Variants in PADI1 observed in about 807,000 individuals in gnomAD.
The protein encoded by PADI1 is protein-arginine deiminase type-1.
Under a neutral mutation model 74.8 loss-of-function variants are expected in PADI1, and 65 were observed. The observed-to-expected ratio is 0.87, with a 90% CI of 0.71 to 1.07. The LOEUF is 1.07. Among genes scored for constraint, PADI1 ranks in the 50% least tolerant of loss-of-function variants. PADI1 has a pLI of 0.00. For synonymous variants in PADI1, 371 were observed against 336.2 expected (o/e 1.10, Z -1.13); for missense variants, 943 against 854.0 (o/e 1.10, Z -1.30).
At chr1:17,240,596 C>T (rs779531919) in intron 14 of PADI1, 39 bp from the exon 15 acceptor site, 4 of 1,434,418 alleles carry the variant, frequency 2.8e-6, no homozygotes, top group Admixed American at 1.8e-5. Flanking sequence ...GTGTTATGCT[C>T]TTCCTAGTCC....
In PADI1 at chr1:17,230,696, A is replaced by G; in HGVS notation, c.1161+17A>G. ...AGGATCCTGGTACGTAGCGACAGGT[A>G]GAGTGCAGAAACCCTGGTTGGGTCC... On this transcript the variant is annotated intron_variant, in intron 10 of 15. Coordinates refer to ENST00000375471, the MANE Select transcript of PADI1 (RefSeq NM_013358.3). 2 of 1,472,226 alleles carry G rather than the reference A, an allele frequency of 1.4e-6. No individual in the cohort carries two copies. The allele number at this position is 1,472,226 out of a possible 1,614,324, so 91.2% of individuals were successfully genotyped here.
chr1:17,220,752 A>G (rs1198503921), intron 1 of PADI1, among the ~76,000 whole-genome samples: 1 of 152,236 alleles, frequency 6.6e-6, no homozygotes, highest in Non-Finnish European at 1.5e-5. Context: ...TGTGAGCGCC[A>G]CAGGCTCAAG....
At chr1:17,231,568 C>T (rs2100492503) in intron 10 of PADI1, among the ~76,000 whole-genome samples, 1 of 152,308 alleles carries the variant, frequency 6.6e-6, no homozygotes, top group South Asian at 2.1e-4. Context: ...TAGGTGAGTG[C>T]ACCCGCCAGG....
chr1:17,220,822 C>T (rs2072126977), intron 1 of PADI1, among the ~76,000 whole-genome samples: 1 of 152,230 alleles, frequency 6.6e-6, no homozygotes, highest in Admixed American at 6.5e-5. Flanking sequence ...ATAGTTCACG[C>T]TTATGCAGGG....
intron 11 of PADI1, 122 bp from the exon 12 acceptor site, chr1:17,237,192 C>G: frequency 8.7e-7 from 1 of 1,145,990 alleles, no homozygotes; most frequent in Non-Finnish European, 1.2e-6. Flanking sequence ...ACGCTCTACG[C>G]CCCACGTTTA....
chr1:17,215,387 A>T (rs543613520), intron 1 of PADI1, among the ~76,000 whole-genome samples: 1 of 130,094 alleles, frequency 7.7e-6, no homozygotes, highest in African/African-American at 3.8e-5. Flanking sequence ...TTTCATCATC[A>T]TCATCATCGT....
At chr1:17,239,416 T>C (rs2072725003) in intron 13 of PADI1, among the ~76,000 whole-genome samples, 2 of 152,196 alleles carry the variant, frequency 1.3e-5, no homozygotes, top group Non-Finnish European at 2.9e-5. Flanking sequence ...ATACATTAAG[T>C]AGGATGCCCA....
In PADI1 at chr1:17,229,070, A is replaced by G; in HGVS notation, c.929+19A>G. On this transcript the variant is annotated intron_variant, in intron 8 of 15. Transcript: ENST00000375471. ...TGTGCAGGTGAGGCTCCCTCCCTCC[A>G]GCCCTCCCCCAAGTCTGGAGTGCAG... 1 of 1,473,114 alleles carries G rather than the reference A, an allele frequency of 6.8e-7. No homozygotes were observed. Among genetic ancestry groups the G allele is most frequent in the Non-Finnish European group, 9.3e-7 (1 of 1,076,390 alleles). 91.3% of individuals were successfully genotyped at this position (1,473,114 alleles called of 1,614,324 possible).
intron 1 of PADI1, among the ~76,000 whole-genome samples, chr1:17,220,626 G>A (rs1454159347): frequency 1.3e-5 from 2 of 152,138 alleles, no homozygotes; most frequent in Admixed American, 1.3e-4. Flanking sequence ...CTTGACCTTG[G>A]GTGGTGTCCT....
rs1264442981 is a variant in PADI1, at chr1:17,244,483, C to T, written c.*240C>T. ...CCCTGGCCTCTTTCCCACCCACAGC[C>T]CCCAGAGGCTCTAGATCAACAATGT... On this transcript the variant is annotated 3_prime_UTR_variant, in exon 16 of 16. Transcript: ENST00000375471. 7 of 623,566 alleles carry T rather than the reference C, an allele frequency of 1.1e-5. No homozygotes were observed. The highest frequency in any genetic ancestry group is 2.1e-5 in the Non-Finnish European group (7 of 334,818). 38.6% of individuals were successfully genotyped at this position (623,566 alleles called of 1,614,324 possible).
intron 9 of PADI1, 40 bp from the exon 10 acceptor site, chr1:17,230,532 G>GA: frequency 6.9e-7 from 1 of 1,446,990 alleles, no homozygotes; most frequent in Non-Finnish European, 9.6e-7. Flanking sequence ...TAAACCACCC[G>GA]AAAAAGGTCA....
chr1:17,212,108 C>A (rs1022172040), intron 1 of PADI1, among the ~76,000 whole-genome samples: 2 of 152,204 alleles, frequency 1.3e-5, no homozygotes, highest in Admixed American at 6.5e-5. Context: ...GGGTGGCGGC[C>A]AGTACCCCGG....
rs1241995224 is a variant in PADI1, at chr1:17,244,480, A to G, written c.*237A>G. 2 of 624,074 alleles carry G rather than the reference A, an allele frequency of 3.2e-6. No individual in the cohort carries two copies. Among genetic ancestry groups the G allele is most frequent in the South Asian group, 3.0e-5 (2 of 66,060 alleles). The allele number at this position is 624,074 out of a possible 1,614,324, so 38.7% of individuals were successfully genotyped here. A position where few individuals can be genotyped will look rare whatever the true frequency, so the allele number is the denominator to read the frequency against. The stretch of plus-strand genomic sequence containing the variant: ...CTTCCCTGGCCTCTTTCCCACCCAC[A>G]GCCCCCAGAGGCTCTAGATCAACAA... On this transcript the variant is annotated 3_prime_UTR_variant, in exon 16 of 16. Transcript: ENST00000375471.
intron 6 of PADI1, among the ~76,000 whole-genome samples, chr1:17,227,030 T>TC: frequency 8.0e-6 from 1 of 125,618 alleles, no homozygotes; most frequent in Middle Eastern, 4.0e-3. Flanking sequence ...AGACTCTGTC[T>TC]AAAAAAAAAA....
In PADI1 at chr1:17,223,803, A is replaced by G. The variant is rs1041081546; in HGVS notation, c.346+110A>G. The G allele has an allele frequency of 1.5e-5, 13 of 876,690 alleles. 1 individual carries two copies. The highest frequency in any genetic ancestry group is 1.3e-4 in the African/African-American group (8 of 60,680). The allele number at this position is 876,690 out of a possible 1,614,324, so 54.3% of individuals were successfully genotyped here. A position where few individuals can be genotyped will look rare whatever the true frequency, so the allele number is the denominator to read the frequency against. Reference sequence around the variant, plus strand: ...GGAAGACCCATGGCCAGCTTCCTCCATCACTGAGGGGCTTGGATTCCTCGG... The same window carrying G: ...GGAAGACCCATGGCCAGCTTCCTCCGTCACTGAGGGGCTTGGATTCCTCGG... On this transcript the variant is annotated intron_variant, in intron 3 of 15. Coordinates refer to ENST00000375471, the MANE Select transcript of PADI1 (RefSeq NM_013358.3).
intron 10 of PADI1, among the ~76,000 whole-genome samples, chr1:17,232,403 T>C (rs1379845482): frequency 6.6e-6 from 1 of 152,162 alleles, no homozygotes; most frequent in Non-Finnish European, 1.5e-5. Flanking sequence ...CCACGCTCAG[T>C]TTAAATACAC....
At chr1:17,208,895 G>T (rs1352646536) in intron 1 of PADI1, among the ~76,000 whole-genome samples, 1 of 152,184 alleles carries the variant, frequency 6.6e-6, no homozygotes, top group Non-Finnish European at 1.5e-5. Flanking sequence ...TCTTTGGGAT[G>T]CAGAAGGCCG....
intron 13 of PADI1, among the ~76,000 whole-genome samples, 157 bp downstream of exon 13, chr1:17,238,866 T>C (rs1438187160): frequency 6.6e-6 from 1 of 151,986 alleles, no homozygotes; most frequent in Admixed American, 6.6e-5. Context: ...GGTGGGGGAG[T>C]TCCTGGGCCA....
At chr1:17,212,500 G>A (rs1208246231) in intron 1 of PADI1, among the ~76,000 whole-genome samples, 1 of 150,932 alleles carries the variant, frequency 6.6e-6, no homozygotes, top group East Asian at 2.0e-4. Context: ...TAGGACAGTT[G>A]GCAGGGAAGC....
Sources: gnomAD v4.1 joint callset for allele counts (sites outside exome capture counted in the v4.1 genomes callset) on GRCh38, gnomAD v4.1.1 for gene constraint, MANE v1.5 for transcripts, NCBI Gene and HGNC (gene_info 2026-07-23, HGNC 2026-07-21) for gene names.